RBMS2: variants seen among roughly 807,000 people sequenced by gnomAD.
RBMS2 encodes the protein RNA binding motif single stranded interacting protein 2, also known as RNA-binding motif, single-stranded-interacting protein 2.
RBMS2 carries 38 observed loss-of-function variants against 58.4 expected under a neutral mutation model. That is an observed-to-expected ratio of 0.65 (90% CI 0.50 to 0.85). The LOEUF (loss-of-function observed/expected upper bound fraction) is 0.85, where lower values mean the gene tolerates loss of function less well. Ranked by LOEUF, RBMS2 falls within the 40% of genes least tolerant of loss-of-function variation. The pLI is 0.00. For synonymous variants in RBMS2, 151 were observed against 180.7 expected (o/e 0.84, Z 1.32); for missense variants, 367 against 503.7 (o/e 0.73, Z 2.60).
chr12:56,564,564 A>G (rs151004144), intron 2 of RBMS2, among the ~76,000 whole-genome samples: 72 of 151,160 alleles, frequency 4.8e-4, no homozygotes, highest in South Asian at 1.1e-3. Context: ...AGATTTCATC[A>G]TGTTGCCCAG....
rs1239129291 is a variant in RBMS2 at position 56,595,474 on chromosome 12, C to T, written c.*6341C>T. 1 of 152,098 alleles carries T rather than the reference C, an allele frequency of 6.6e-6. No homozygotes were observed. 9.4% of individuals were successfully genotyped at this position (152,098 alleles called of 1,614,324 possible). ...TACTCTTCCCACATCTATGCCAATG[C>T]CACCATTCTAAAACTTACACTCCTT... On this transcript the variant is annotated 3_prime_UTR_variant, in exon 14 of 14. Coordinates refer to ENST00000262031, the MANE Select transcript of RBMS2 (RefSeq NM_002898.4).
chr12:56,560,038 G>T (rs1880099143), intron 1 of RBMS2, among the ~76,000 whole-genome samples: 1 of 151,438 alleles, frequency 6.6e-6, no homozygotes, highest in Non-Finnish European at 1.5e-5. Flanking sequence ...GGGATTACAG[G>T]CATGTGCCAC....
intron 5 of RBMS2, chr12:56,572,754 G>A: frequency 1.0e-6 from 1 of 984,130 alleles, no homozygotes; most frequent in Non-Finnish European, 1.2e-6. Flanking sequence ...TTTGAGAGCA[G>A]TAGGATGAGG....
At chr12:56,525,914 C>T (rs551625299) in intron 1 of RBMS2, among the ~76,000 whole-genome samples, 35 of 151,956 alleles carry the variant, frequency 2.3e-4, no homozygotes, top group Middle Eastern at 3.4e-3. Context: ...CTGCCCACCT[C>T]GGCCTCCCAA....
intron 5 of RBMS2, chr12:56,573,139 G>C (rs956460638): frequency 2.0e-6 from 2 of 983,128 alleles, no homozygotes; most frequent in Non-Finnish European, 2.4e-6. Context: ...TCTGGTCCGT[G>C]AACACCCCCT....
At chr12:56,561,910 C>G (rs1368321064) in intron 1 of RBMS2, among the ~76,000 whole-genome samples, 2 of 152,130 alleles carry the variant, frequency 1.3e-5, no homozygotes. Flanking sequence ...CGGGTTCACG[C>G]CATTCTCCTG....
In RBMS2 at chr12:56,538,079, C is replaced by T. The variant is rs989363418; in HGVS notation, c.66+15990C>T. On this transcript the variant is annotated intron_variant, in intron 1 of 13. Transcript: ENST00000262031. Reference sequence around the variant, plus strand: ...CAGAGTTTTGCTCTTTTTGCCCAGGCTGGAGTGCAATGGCATGATCTCGGC... The same window carrying T: ...CAGAGTTTTGCTCTTTTTGCCCAGGTTGGAGTGCAATGGCATGATCTCGGC... 3.5e-4 allele frequency among the ~76,000 whole-genome samples: 53 copies of T among 152,048 alleles called. No individual in the cohort carries two copies. The Middle Eastern group carries it at 0.01, about 29-fold the overall frequency.
At chr12:56,584,760 C>T (rs538138272) in intron 9 of RBMS2, among the ~76,000 whole-genome samples, 5 of 150,690 alleles carry the variant, frequency 3.3e-5, no homozygotes, top group Non-Finnish European at 7.4e-5. Context: ...ACTCCAGCCT[C>T]GGCGACAGAG....
intron 5 of RBMS2, chr12:56,572,855 G>A: frequency 1.0e-6 from 1 of 984,070 alleles, no homozygotes. Flanking sequence ...GTGAGCCTTG[G>A]TTCACTCTCT....
At chr12:56,534,996 A>G (rs918245685) in intron 1 of RBMS2, among the ~76,000 whole-genome samples, 3 of 152,110 alleles carry the variant, frequency 2.0e-5, no homozygotes, top group African/African-American at 7.2e-5. Context: ...CACTTGATAC[A>G]ATTGATCACT....
At chr12:56,537,193 T>C (rs1378460003) in intron 1 of RBMS2, among the ~76,000 whole-genome samples, 3 of 152,120 alleles carry the variant, frequency 2.0e-5, no homozygotes, top group African/African-American at 7.2e-5. Context: ...AGTGCTGGGA[T>C]TACAGGCGTG....
intron 5 of RBMS2, among the ~76,000 whole-genome samples, chr12:56,577,705 T>C (rs1051586015): frequency 8.6e-5 from 13 of 151,882 alleles, no homozygotes; most frequent in Non-Finnish European, 1.3e-4. Context: ...TTTTTGGAGA[T>C]GGAGTTTCAC....
chr12:56,564,818 A>G (rs1322820463), intron 2 of RBMS2, among the ~76,000 whole-genome samples: 1 of 152,162 alleles, frequency 6.6e-6, no homozygotes, highest in Admixed American at 6.6e-5. Context: ...TACTAAAACT[A>G]CAAAAATTAG....
At position 56,587,663 on chromosome 12, in the gene RBMS2, C is replaced by T. The variant is rs200554259; in HGVS notation, c.1061C>T (p.Thr354Met). ...CATCTCTCCCTCAGCAGCACAGGCA[C>T]GGTAAAGCAGGATATTTCTGATTGT... Reference protein sequence around the residue: ...LGHLSLSSTGTYMPTAAAMQG... With the variant: ...LGHLSLSSTGMYMPTAAAMQG... The change falls in exon 11 of 14, where the codon ACG becomes ATG. Residue 354 changes from threonine (T) to methionine (M), a missense_variant and splice_region_variant. By Grantham distance (81) the Thr-to-Met change is moderately conservative. Around this residue, in one of 3 missense-constraint regions of RBMS2, gnomAD observed 220 missense variants for 261.1 expected, o/e 0.84. Coordinates refer to ENST00000262031, the MANE Select transcript of RBMS2 (RefSeq NM_002898.4). The T allele has an allele frequency of 1.7e-5, 28 of 1,612,456 alleles. No individual in the cohort carries two copies. Among genetic ancestry groups the T allele is most frequent in the South Asian group, 4.4e-5 (4 of 90,962 alleles).
chr12:56,591,019 G>A lies in RBMS2; in HGVS notation c.*1886G>A, dbSNP rs985506221. 2 of 152,152 alleles carry A rather than the reference G, an allele frequency of 1.3e-5. No individual in the cohort carries two copies. Among genetic ancestry groups the A allele is most frequent in the Non-Finnish European group, 2.9e-5 (2 of 68,044 alleles). The allele number at this position is 152,152 out of a possible 1,614,324, so 9.4% of individuals were successfully genotyped here. On this transcript the variant is annotated 3_prime_UTR_variant, in exon 14 of 14. Coordinates refer to ENST00000262031, the MANE Select transcript of RBMS2 (RefSeq NM_002898.4). ...TTAACTGTCCCCTTCTGCAAGATGT[G>A]ACTCTATACACATGGAGACAGATTG...
At chr12:56,573,108 C>G (rs1184617169) in intron 5 of RBMS2, 1 of 981,912 alleles carries the variant, frequency 1.0e-6, no homozygotes, top group Non-Finnish European at 1.2e-6. Flanking sequence ...AGCCAAGCAC[C>G]CCTTTTTGCT....
intron 1 of RBMS2, among the ~76,000 whole-genome samples, chr12:56,522,715 T>C (rs532602416): frequency 3.3e-5 from 5 of 152,154 alleles, no homozygotes; most frequent in Non-Finnish European, 7.3e-5. Flanking sequence ...TACTTGGACC[T>C]CTGCAGATAG....
At chr12:56,553,576 C>T (rs751622269) in intron 1 of RBMS2, among the ~76,000 whole-genome samples, 6 of 151,922 alleles carry the variant, frequency 3.9e-5, no homozygotes, top group Non-Finnish European at 8.8e-5. Flanking sequence ...GATCTGCCCA[C>T]GATGGCCTCC....
intron 1 of RBMS2, among the ~76,000 whole-genome samples, chr12:56,557,212 G>C (rs996679780): frequency 2.6e-5 from 4 of 152,062 alleles, no homozygotes; most frequent in African/African-American, 9.7e-5. Flanking sequence ...AGTTCCCTGG[G>C]TGCTCATACG....
Sources: allele counts gnomAD v4.1 joint callset (sites outside exome capture counted in the v4.1 genomes callset), GRCh38; gene constraint gnomAD v4.1.1; regional missense constraint gnomAD v4.1.1; transcripts MANE v1.5; gene names NCBI Gene and HGNC (gene_info 2026-07-23, HGNC 2026-07-21).